The following SKAP1 variants were observed in gnomAD, a reference collection of about 807,000 sequenced individuals.
SKAP1 encodes the protein src kinase-associated phosphoprotein 1.
In SKAP1, 44 loss-of-function variants were observed where a neutral mutation model predicts 58.5. That is an observed-to-expected ratio of 0.75 (90% CI 0.59 to 0.97). The LOEUF (loss-of-function observed/expected upper bound fraction) is 0.97, where lower values mean the gene tolerates loss of function less well. Among genes scored for constraint, SKAP1 ranks in the 50% least tolerant of loss-of-function variants. The pLI, the probability that SKAP1 is intolerant of heterozygous loss-of-function variation, is 0.00. For missense variants in SKAP1, 390 were observed against 435.2 expected, an observed-to-expected ratio of 0.90 and a Z score of 0.92; for synonymous variants, 127 against 149.7, an observed-to-expected ratio of 0.85 and a Z score of 1.11.
At chr17:48,378,140 C>T (rs1471566931) in intron 2 of SKAP1, among the ~76,000 whole-genome samples, 1 of 152,112 alleles carries the variant, frequency 6.6e-6, no homozygotes, top group African/African-American at 2.4e-5. Context: ...TTCATCTGAG[C>T]TTTCAAAAGG....
At chr17:48,395,805 C>T (rs999821550) in intron 2 of SKAP1, among the ~76,000 whole-genome samples, 12 of 152,202 alleles carry the variant, frequency 7.9e-5, no homozygotes, top group African/African-American at 1.7e-4. Context: ...TCTCACATTC[C>T]TGAATGGAAT....
chr17:48,374,838 A>C (rs1399325540), intron 2 of SKAP1, among the ~76,000 whole-genome samples: 1 of 152,230 alleles, frequency 6.6e-6, no homozygotes, highest in African/African-American at 2.4e-5. Flanking sequence ...AAACAGCACC[A>C]TCTGGTGGAA....
chr17:48,188,001 T>C (rs934748551), intron 5 of SKAP1, 75 bp from the exon 6 acceptor site: 7 of 1,024,198 alleles, frequency 6.8e-6, no homozygotes, highest in Admixed American at 1.7e-5. Context: ...TCCAACAACA[T>C]ACAGTCCAGT....
chr17:48,280,126 T>C (rs1042788222), intron 4 of SKAP1, among the ~76,000 whole-genome samples: 1 of 152,190 alleles, frequency 6.6e-6, no homozygotes, highest in African/African-American at 2.4e-5. Flanking sequence ...GGAAAACATA[T>C]TTTGTATGTT....
chr17:48,405,443 TTC>T lies in SKAP1; in HGVS notation c.47-8660_47-8659del, dbSNP rs1491333275. 1.0e-4 allele frequency among the ~76,000 whole-genome samples: 7 copies of T among 70,176 alleles called. No individual in the cohort carries two copies. The South Asian group carries it at 1.4e-3, about 14-fold the overall frequency. The allele number at this position is 70,176 out of a possible 152,430, so 46.0% of individuals were successfully genotyped here. Reference sequence around the variant, plus strand: ...TTTCTTTCTTTCTTTCTTTCTTTCTTTCTTTCTTTTCTTTCTTTCTTTCCTTC... The same window carrying T: ...TTTCTTTCTTTCTTTCTTTCTTTCTTTTTCTTTTCTTTCTTTCTTTCCTTC... On this transcript the variant is annotated intron_variant, in intron 1 of 12. Transcript: ENST00000336915.
chr17:48,252,447 C>T (rs1319677439), intron 4 of SKAP1, among the ~76,000 whole-genome samples: 1 of 152,178 alleles, frequency 6.6e-6, no homozygotes, highest in African/African-American at 2.4e-5. Context: ...TTGTTTTGCG[C>T]TGGATTTCAT....
intron 11 of SKAP1, chr17:48,156,525 C>G (rs763657968): frequency 1.9e-6 from 1 of 522,086 alleles, no homozygotes; most frequent in South Asian, 1.4e-5. Flanking sequence ...GAAGTTTAGT[C>G]CCTCACCAGA....
intron 3 of SKAP1, among the ~76,000 whole-genome samples, chr17:48,357,411 A>G (rs909531277): frequency 2.0e-5 from 3 of 152,102 alleles, no homozygotes; most frequent in African/African-American, 7.2e-5. Context: ...CGGATGGATC[A>G]TGAGGTCAGG....
At chr17:48,444,725 C>T in the SKAP1 span, among the ~76,000 whole-genome samples, 1 of 152,276 alleles carries the variant, frequency 6.6e-6, no homozygotes, top group African/African-American at 2.4e-5. Context: ...AGTCCTCTAT[C>T]GGTAGGCTGG....
chr17:48,220,899 A>G (rs1489016503), intron 4 of SKAP1, among the ~76,000 whole-genome samples: 1 of 146,188 alleles, frequency 6.8e-6, no homozygotes, highest in Non-Finnish European at 1.5e-5. Flanking sequence ...AAAAAGAAAG[A>G]GAAGCTTTAG....
At chr17:48,221,531 T>G (rs2065006502) in intron 4 of SKAP1, among the ~76,000 whole-genome samples, 1 of 152,248 alleles carries the variant, frequency 6.6e-6, no homozygotes, top group Non-Finnish European at 1.5e-5. Context: ...AATTTGTATT[T>G]CCTAGCCTGG....
At chr17:48,405,650 G>A (rs754673189) in intron 1 of SKAP1, among the ~76,000 whole-genome samples, 5 of 151,210 alleles carry the variant, frequency 3.3e-5, no homozygotes, top group African/African-American at 4.9e-5. Flanking sequence ...ACAGGTGCCC[G>A]CCACCATGCC....
chr17:48,181,910 A>C (rs377575651), intron 8 of SKAP1, among the ~76,000 whole-genome samples: 1 of 152,144 alleles, frequency 6.6e-6, no homozygotes, highest in East Asian at 1.9e-4. Context: ...GGAACATCTT[A>C]TTGTGGCTTG....
the SKAP1 span, among the ~76,000 whole-genome samples, chr17:48,440,312 C>A: frequency 1.3e-5 from 2 of 152,186 alleles, no homozygotes; most frequent in African/African-American, 4.8e-5. Flanking sequence ...TCCACCAGGG[C>A]AGCTCTACAT....
At chr17:48,337,619 T>C (rs998230225) in intron 4 of SKAP1, among the ~76,000 whole-genome samples, 2 of 152,226 alleles carry the variant, frequency 1.3e-5, no homozygotes, top group Admixed American at 1.3e-4. Context: ...CTATGTCAAA[T>C]CAATTCAGGG....
At chr17:48,409,025 A>C (rs2067627370) in intron 1 of SKAP1, among the ~76,000 whole-genome samples, 1 of 152,174 alleles carries the variant, frequency 6.6e-6, no homozygotes, top group South Asian at 2.1e-4. Context: ...TTAAAATAAA[A>C]TCTTTCCTAA....
chr17:48,270,213 C>A (rs528533440), intron 4 of SKAP1, among the ~76,000 whole-genome samples: 2 of 152,104 alleles, frequency 1.3e-5, no homozygotes, highest in Non-Finnish European at 1.5e-5. Context: ...TAAAAGTCAT[C>A]AAAAATATCT....
At chr17:48,139,133 C>T (rs1350167574) in intron 11 of SKAP1, among the ~76,000 whole-genome samples, 10 of 151,882 alleles carry the variant, frequency 6.6e-5, no homozygotes, top group Admixed American at 2.6e-4. Context: ...CTCACCTCGG[C>T]CTCTCAGAGT....
the SKAP1 span, among the ~76,000 whole-genome samples, chr17:48,441,045 C>T: frequency 2.6e-5 from 4 of 152,080 alleles, no homozygotes; most frequent in Middle Eastern, 3.2e-3. Context: ...AGATGCTGGC[C>T]GACTTCAGTT....
Sources: allele counts gnomAD v4.1 joint callset (sites outside exome capture counted in the v4.1 genomes callset), GRCh38; gene constraint gnomAD v4.1.1; transcripts MANE v1.5; gene names NCBI Gene and HGNC (gene_info 2026-07-23, HGNC 2026-07-21).